The following CCDC60 variants were observed in gnomAD, a reference collection of about 807,000 sequenced individuals.
CCDC60 encodes coiled-coil domain containing 60, also known as coiled-coil domain-containing protein 60.
Under a neutral mutation model 63.5 loss-of-function variants are expected in CCDC60, and 54 were observed. That is an observed-to-expected ratio of 0.85 (90% CI 0.68 to 1.07). The LOEUF is 1.07. Ranked by LOEUF, CCDC60 falls within the 50% of genes least tolerant of loss-of-function variation. The pLI is 0.00. For missense variants in CCDC60, 651 were observed against 684.3 expected (o/e 0.95, Z 0.54); for synonymous variants, 206 against 238.8 (o/e 0.86, Z 1.27).
Position 119,525,479 on chromosome 12 carries a change from TG to T in CCDC60, c.1229+1667del, listed in dbSNP as rs1566062914. Among the ~76,000 whole-genome samples, 5 of 152,286 alleles carry T rather than the reference TG, an allele frequency of 3.3e-5. No homozygotes were observed. The South Asian group carries it at 1.0e-3, about 32-fold the overall frequency. ...TGAAACCCTGTAAGCCAGAAGAGAC[TG>T]GGGGGCTATATTCAACATTCTTAAA... On this transcript the variant is annotated intron_variant, in intron 11 of 13. Transcript: ENST00000327554.
intron 7 of CCDC60, among the ~76,000 whole-genome samples, chr12:119,514,568 A>G (rs1365891460): frequency 1.3e-5 from 2 of 152,208 alleles, no homozygotes; most frequent in African/African-American, 4.8e-5. Context: ...ATATTAAAAA[A>G]GAAAACATTT....
At chr12:119,522,114 G>A (rs1952544848) in intron 9 of CCDC60, among the ~76,000 whole-genome samples, 1 of 152,124 alleles carries the variant, frequency 6.6e-6, no homozygotes, top group South Asian at 2.1e-4. Context: ...AAAGGAAAAC[G>A]GTCTTACCAC....
chr12:119,361,161 G>C (rs1312456512), intron 1 of CCDC60, among the ~76,000 whole-genome samples: 1 of 145,824 alleles, frequency 6.9e-6, no homozygotes, highest in Non-Finnish European at 1.5e-5. Flanking sequence ...GGGAGAGGGA[G>C]ACCATGGGGA....
intron 7 of CCDC60, among the ~76,000 whole-genome samples, chr12:119,510,938 G>T (rs1952201172): frequency 6.6e-6 from 1 of 152,158 alleles, no homozygotes; most frequent in Non-Finnish European, 1.5e-5. Context: ...TTGAAAAAAT[G>T]AGCTAGCAAA....
intron 2 of CCDC60, among the ~76,000 whole-genome samples, chr12:119,449,714 T>C (rs569982902): frequency 1.3e-5 from 2 of 152,190 alleles, no homozygotes; most frequent in East Asian, 3.9e-4. Context: ...CTCAGTCTAG[T>C]GGTGGGTGTG....
At chr12:119,345,121 C>T (rs966513044) in intron 1 of CCDC60, among the ~76,000 whole-genome samples, 2 of 152,126 alleles carry the variant, frequency 1.3e-5, no homozygotes, top group Admixed American at 6.5e-5. Context: ...CCACATCAGA[C>T]GTACAATTAA....
At chr12:119,461,960 C>G (rs1358075272) in intron 2 of CCDC60, among the ~76,000 whole-genome samples, 3 of 152,180 alleles carry the variant, frequency 2.0e-5, no homozygotes, top group African/African-American at 4.8e-5. Flanking sequence ...GAATGAACAT[C>G]CTGCAGCCTG....
chr12:119,505,825 A>C (rs1462333991), intron 7 of CCDC60, among the ~76,000 whole-genome samples: 1 of 152,234 alleles, frequency 6.6e-6, no homozygotes, highest in Non-Finnish European at 1.5e-5. Flanking sequence ...ACTGCACTCC[A>C]GCCTGGGCCA....
rs1220360138 is a variant in CCDC60, at chr12:119,530,907, T to G, written c.1395T>G (p.Asp465Glu). 1 of 1,614,122 alleles carries G rather than the reference T, an allele frequency of 6.2e-7. No homozygotes were observed. Residue 465 changes from aspartate to glutamate, a missense_variant, in exon 13 of 14, where the codon GAT (aspartate) becomes GAG (glutamate). Coordinates refer to ENST00000327554, the MANE Select transcript of CCDC60 (RefSeq NM_178499.5). ...YFDLLSKLPE[D>E]LKNFRPAKKI... is the part of the protein sequence containing the mutation. ...ATCTGTTGTCCAAACTGCCAGAGGATCTAAAGAACTTCCGCCCCGCCAAAA... is the reference window on the plus strand; with the variant it reads ...ATCTGTTGTCCAAACTGCCAGAGGAGCTAAAGAACTTCCGCCCCGCCAAAA...
At chr12:119,513,844 C>T (rs1952279731) in intron 7 of CCDC60, among the ~76,000 whole-genome samples, 1 of 152,152 alleles carries the variant, frequency 6.6e-6, no homozygotes, top group Non-Finnish European at 1.5e-5. Context: ...ATATACAGTA[C>T]ACAGTACTGT....
intron 7 of CCDC60, among the ~76,000 whole-genome samples, chr12:119,510,226 C>T (rs1170125783): frequency 2.0e-5 from 3 of 152,204 alleles, no homozygotes; most frequent in East Asian, 1.9e-4. Flanking sequence ...TTCTCTAATA[C>T]GTTACCTCTG....
At chr12:119,471,496 A>G (rs1951057651) in intron 2 of CCDC60, among the ~76,000 whole-genome samples, 1 of 152,120 alleles carries the variant, frequency 6.6e-6, no homozygotes, top group African/African-American at 2.4e-5. Context: ...GTGAATTGTT[A>G]TGTTCATTCC....
At chr12:119,408,020 T>G (rs1399743323) in intron 1 of CCDC60, among the ~76,000 whole-genome samples, 1 of 152,240 alleles carries the variant, frequency 6.6e-6, no homozygotes, top group Non-Finnish European at 1.5e-5. Flanking sequence ...AAAAGGTTTT[T>G]TTTAAATGCA....
intron 4 of CCDC60, among the ~76,000 whole-genome samples, chr12:119,483,349 G>A (rs758940774): frequency 7.9e-5 from 12 of 152,336 alleles, no homozygotes; most frequent in Non-Finnish European, 1.2e-4. Flanking sequence ...CTGTGTGATC[G>A]ATCCCAAAAG....
intron 2 of CCDC60, among the ~76,000 whole-genome samples, chr12:119,467,454 C>T (rs138725397): frequency 3.6e-4 from 55 of 152,268 alleles, no homozygotes; most frequent in African/African-American, 1.1e-3. Context: ...TTTGTGAATG[C>T]GATTAGTGCC....
At chr12:119,502,229 G>C (rs1951871445) in intron 6 of CCDC60, among the ~76,000 whole-genome samples, 1 of 152,108 alleles carries the variant, frequency 6.6e-6, no homozygotes, top group African/African-American at 2.4e-5. Flanking sequence ...GGAGCCCAGA[G>C]CTTATCATTT....
intron 1 of CCDC60, among the ~76,000 whole-genome samples, chr12:119,386,021 G>A (rs138121578): frequency 6.6e-6 from 1 of 152,300 alleles, no homozygotes; most frequent in East Asian, 1.9e-4. Context: ...GTTCATTGCT[G>A]TGTCCCCAGC....
At chr12:119,522,870 A>G in intron 9 of CCDC60, 69 bp from the exon 10 acceptor site, 1 of 1,386,882 alleles carries the variant, frequency 7.2e-7, no homozygotes, top group Non-Finnish European at 1.0e-6. Context: ...GGTGCCATGG[A>G]GCACTGGGGG....
At chr12:119,459,309 T>G (rs146943039) in intron 2 of CCDC60, among the ~76,000 whole-genome samples, 8 of 152,308 alleles carry the variant, frequency 5.3e-5, no homozygotes, top group Non-Finnish European at 1.0e-4. Flanking sequence ...GGCCCAAGAT[T>G]CTGCAATTCT....
Sources: allele counts gnomAD v4.1 joint callset (sites outside exome capture counted in the v4.1 genomes callset), GRCh38; gene constraint gnomAD v4.1.1; transcripts MANE v1.5; gene names NCBI Gene and HGNC (gene_info 2026-07-23, HGNC 2026-07-21).